TBC1D22A: variants seen among roughly 807,000 people sequenced by gnomAD.
The protein encoded by TBC1D22A is TBC1 domain family member 22A.
TBC1D22A carries 38 observed loss-of-function variants against 60.2 expected under a neutral mutation model. The ratio of observed to expected loss-of-function variants is 0.63; its 90% CI spans 0.49 to 0.83. The LOEUF (loss-of-function observed/expected upper bound fraction) is 0.83. Among genes scored for constraint, TBC1D22A ranks in the 40% least tolerant of loss-of-function variants. TBC1D22A has a pLI of 0.00. For missense variants in TBC1D22A, 628 were observed against 701.0 expected, an observed-to-expected ratio of 0.90 and a Z score of 1.18; for synonymous variants, 302 against 281.7, an observed-to-expected ratio of 1.07 and a Z score of -0.72.
At position 46,793,483 on chromosome 22, in the gene TBC1D22A, A is replaced by G. The variant is rs2084512271; in HGVS notation, c.120-18A>G. 2 of 1,613,544 alleles carry G rather than the reference A, an allele frequency of 1.2e-6. No individual in the cohort carries two copies. Among genetic ancestry groups the G allele is most frequent in the South Asian group, 1.1e-5 (1 of 91,052 alleles). On this transcript the variant is annotated intron_variant, in intron 2 of 12. Coordinates refer to ENST00000337137, the MANE Select transcript of TBC1D22A (RefSeq NM_014346.5). ...AGCCTTCGAGCATGTACGAGTAAAG[A>G]CTGCCTTTGCATTGCAGTTTGCTCA...
At chr22:46,958,036 G>A (rs192297623) in intron 8 of TBC1D22A, among the ~76,000 whole-genome samples, 4 of 151,998 alleles carry the variant, frequency 2.6e-5, no homozygotes, top group African/African-American at 9.7e-5. Flanking sequence ...GAGTGATGGG[G>A]TAGGCCTGGG....
chr22:47,153,513 G>A (rs1456284758), intron 12 of TBC1D22A, among the ~76,000 whole-genome samples: 4 of 151,998 alleles, frequency 2.6e-5, no homozygotes, highest in East Asian at 3.9e-4. Flanking sequence ...AAGGGGGCCC[G>A]GTCTGCCTGG....
chr22:47,158,839 G>A (rs901133906), intron 12 of TBC1D22A, among the ~76,000 whole-genome samples: 5 of 152,070 alleles, frequency 3.3e-5, no homozygotes, highest in Admixed American at 1.3e-4. Flanking sequence ...CAGGACCTGC[G>A]TCCAGAAAGG....
At chr22:46,827,304 G>A (rs1311530069) in intron 4 of TBC1D22A, among the ~76,000 whole-genome samples, 1 of 152,182 alleles carries the variant, frequency 6.6e-6, no homozygotes. Flanking sequence ...AGGCCGAGTC[G>A]GCGTTCCTGA....
intron 11 of TBC1D22A, among the ~76,000 whole-genome samples, chr22:47,062,625 T>G (rs924950196): frequency 1.3e-5 from 2 of 152,102 alleles, no homozygotes; most frequent in African/African-American, 4.8e-5. Flanking sequence ...CAGCCATAGG[T>G]GCAGCTTCGT....
At chr22:47,089,559 T>C (rs1391579557) in intron 11 of TBC1D22A, among the ~76,000 whole-genome samples, 1 of 152,224 alleles carries the variant, frequency 6.6e-6, no homozygotes, top group Non-Finnish European at 1.5e-5. Flanking sequence ...AAGCCTGGCC[T>C]GGGTGAGCTC....
intron 10 of TBC1D22A, among the ~76,000 whole-genome samples, chr22:47,026,397 C>T (rs1313771190): frequency 1.3e-5 from 2 of 152,132 alleles, no homozygotes; most frequent in South Asian, 2.1e-4. Context: ...AAGACAAAAA[C>T]GTACATTCAT....
rs910538 is a variant in TBC1D22A at position 47,112,680 on chromosome 22, A to C, written c.1425+1077A>C. On this transcript the variant is annotated intron_variant, in intron 12 of 12. Coordinates refer to ENST00000337137, the MANE Select transcript of TBC1D22A (RefSeq NM_014346.5). ...GATGGAACCCAGCCCGGGTGTTCGCAGGTGGATGGGACAAGACGCTCCTTC... is the reference window on the plus strand; with the variant it reads ...GATGGAACCCAGCCCGGGTGTTCGCCGGTGGATGGGACAAGACGCTCCTTC... Among the ~76,000 whole-genome samples, 897 of 152,148 alleles carry C rather than the reference A, an allele frequency of 5.9e-3. 10 individuals carry two copies. The highest frequency in any genetic ancestry group is 0.021 in the African/African-American group (854 of 41,518).
At chr22:46,816,142 T>C (rs868449014) in intron 4 of TBC1D22A, among the ~76,000 whole-genome samples, 1 of 152,190 alleles carries the variant, frequency 6.6e-6, no homozygotes, top group Non-Finnish European at 1.5e-5. Context: ...CTGGACCTCC[T>C]GCTGCGGCCG....
At chr22:46,806,307 A>T (rs1035286388) in intron 4 of TBC1D22A, among the ~76,000 whole-genome samples, 3 of 150,692 alleles carry the variant, frequency 2.0e-5, no homozygotes, top group African/African-American at 7.3e-5. Flanking sequence ...ATAGTCAGTG[A>T]CATGGCATTT....
At chr22:46,818,899 G>C (rs1089348) in intron 4 of TBC1D22A, among the ~76,000 whole-genome samples, 62,876 of 151,780 alleles carry the variant, frequency 0.41, 13,258 homozygotes, top group African/African-American at 0.5. Context: ...TTTATATTCT[G>C]TTACTTCCTT....
At chr22:46,856,254 C>G (rs972146418) in intron 4 of TBC1D22A, among the ~76,000 whole-genome samples, 1 of 152,172 alleles carries the variant, frequency 6.6e-6, no homozygotes. Flanking sequence ...ATTTACGTAG[C>G]GTAGCATCAG....
intron 8 of TBC1D22A, among the ~76,000 whole-genome samples, chr22:46,957,293 T>C (rs191641275): frequency 3.3e-5 from 5 of 152,200 alleles, no homozygotes; most frequent in African/African-American, 1.2e-4. Flanking sequence ...GAATACTACC[T>C]GAGACTAGGT....
intron 4 of TBC1D22A, among the ~76,000 whole-genome samples, chr22:46,862,178 G>A (rs1423509287): frequency 6.6e-6 from 1 of 152,134 alleles, no homozygotes; most frequent in Non-Finnish European, 1.5e-5. Context: ...GGTGGAACGC[G>A]GTATGGAACC....
Position 47,128,652 on chromosome 22 carries a change from A to G in TBC1D22A, c.1425+17049A>G, listed in dbSNP as rs74421320. Among the ~76,000 whole-genome samples, 970 of 152,220 alleles carry G rather than the reference A, an allele frequency of 6.4e-3. 10 individuals carry two copies. Among genetic ancestry groups the G allele is most frequent in the Non-Finnish European group, 0.01 (687 of 68,010 alleles). On this transcript the variant is annotated intron_variant, in intron 12 of 12. Coordinates refer to ENST00000337137, the MANE Select transcript of TBC1D22A (RefSeq NM_014346.5). ...TCACAGCTATCCGTGTGTTTATTAAATCATCCCTCTCTGTGATGGATACCA... is the reference window on the plus strand; with the variant it reads ...TCACAGCTATCCGTGTGTTTATTAAGTCATCCCTCTCTGTGATGGATACCA...
chr22:47,152,371 A>G (rs1327616866), intron 12 of TBC1D22A, among the ~76,000 whole-genome samples: 1 of 152,152 alleles, frequency 6.6e-6, no homozygotes, highest in Non-Finnish European at 1.5e-5. Context: ...GCACCGTGTC[A>G]GATCAGCGCA....
chr22:46,776,423 G>T (rs1391644038), intron 1 of TBC1D22A, among the ~76,000 whole-genome samples: 3 of 152,072 alleles, frequency 2.0e-5, no homozygotes, highest in Non-Finnish European at 4.4e-5. Context: ...TGGATGGAAG[G>T]AGTGGGCACA....
chr22:46,965,151 A>C (rs1458531969), intron 8 of TBC1D22A, among the ~76,000 whole-genome samples: 1 of 152,218 alleles, frequency 6.6e-6, no homozygotes, highest in East Asian at 1.9e-4. Flanking sequence ...GCACTTTGGG[A>C]TGCTAGCTGC....
intron 4 of TBC1D22A, among the ~76,000 whole-genome samples, chr22:46,868,573 C>T (rs2067162281): frequency 6.6e-6 from 1 of 152,176 alleles, no homozygotes; most frequent in African/African-American, 2.4e-5. Context: ...AGTCCTCCGT[C>T]CCCACCCTTC....
Sources: gnomAD v4.1 joint callset for allele counts (sites outside exome capture counted in the v4.1 genomes callset) on GRCh38, gnomAD v4.1.1 for gene constraint, MANE v1.5 for transcripts, NCBI Gene and HGNC (gene_info 2026-07-23, HGNC 2026-07-21) for gene names.